COQ8A: variants seen among roughly 807,000 people sequenced by gnomAD.
COQ8A encodes coenzyme Q8A, also known as atypical kinase COQ8A, mitochondrial.
Under a neutral mutation model 65.0 loss-of-function variants are expected in COQ8A, and 51 were observed. The ratio of observed to expected loss-of-function variants is 0.78; its 90% CI spans 0.63 to 0.99. The LOEUF (loss-of-function observed/expected upper bound fraction) is 0.99. Ranked by LOEUF, COQ8A falls within the 50% of genes least tolerant of loss-of-function variation. COQ8A has a pLI of 0.00. For synonymous variants in COQ8A, 371 were observed against 353.2 expected (o/e 1.05, Z -0.57); for missense variants, 940 against 875.0 (o/e 1.07, Z -0.94).
chr1:226,974,609 G>C (rs7515533), intron 4 of COQ8A, among the ~76,000 whole-genome samples: 1 of 152,152 alleles, frequency 6.6e-6, no homozygotes, highest in African/African-American at 2.4e-5. Flanking sequence ...TGAGCAATGC[G>C]CTGAGTCTGG....
chr1:226,961,066 C>T (rs1198986149), intron 1 of COQ8A, among the ~76,000 whole-genome samples: 2 of 152,156 alleles, frequency 1.3e-5, no homozygotes, highest in African/African-American at 2.4e-5. Context: ...TCATGAATCA[C>T]GCCACCTGTC....
intron 1 of COQ8A, among the ~76,000 whole-genome samples, chr1:226,950,917 C>G (rs1657334904): frequency 6.6e-6 from 1 of 151,364 alleles, no homozygotes; most frequent in Non-Finnish European, 1.5e-5. Context: ...AAGTCCTTAG[C>G]CTAGAAGGCA....
At chr1:226,951,883 C>CA (rs1273303148) in intron 1 of COQ8A, among the ~76,000 whole-genome samples, 2 of 151,998 alleles carry the variant, frequency 1.3e-5, no homozygotes, top group African/African-American at 4.8e-5. Context: ...ACTTTATTGA[C>CA]AAAAAAGCAA....
At chr1:226,967,799 G>A (rs1658654186) in intron 4 of COQ8A, among the ~76,000 whole-genome samples, 1 of 152,190 alleles carries the variant, frequency 6.6e-6, no homozygotes, top group Non-Finnish European at 1.5e-5. Flanking sequence ...GCCATCTGTG[G>A]GTGTCTGTGT....
intron 14 of COQ8A, among the ~76,000 whole-genome samples, 197 bp downstream of exon 14, chr1:226,985,537 G>C (rs1449681802): frequency 6.6e-6 from 1 of 152,226 alleles, no homozygotes; most frequent in Non-Finnish European, 1.5e-5. Flanking sequence ...GAGTGGGCCA[G>C]TGAGTTGGGG....
chr1:226,984,704 G>C (rs759101403), intron 12 of COQ8A, 49 bp downstream of exon 12: 3 of 1,569,094 alleles, frequency 1.9e-6, no homozygotes, highest in Non-Finnish European at 1.8e-6. Context: ...GAGCTTCTCC[G>C]AATGGGGCAC....
In COQ8A at chr1:226,978,818, C is replaced by G. The variant is rs528531795; in HGVS notation, c.730+1295C>G. ...ACCCGCACAGCTCCTTACACACCCT[C>G]CATGCACACACCTCCTTACACACCC... On this transcript the variant is annotated intron_variant, in intron 5 of 14. Coordinates refer to ENST00000366777, the MANE Select transcript of COQ8A (RefSeq NM_020247.5). Among the ~76,000 whole-genome samples, 17 of 114,080 alleles carry G rather than the reference C, an allele frequency of 1.5e-4. 4 individuals carry two copies. The South Asian group carries it at 5.7e-3, about 38-fold the overall frequency. The allele number at this position is 114,080 out of a possible 152,430, so 74.8% of individuals were successfully genotyped here. A position where few individuals can be genotyped will look rare whatever the true frequency, so the allele number is the denominator to read the frequency against.
rs1232521713 is a variant in COQ8A, at chr1:226,985,323, A to G, written c.1642A>G (p.Thr548Ala). The G allele has an allele frequency of 1.2e-6, 2 of 1,613,510 alleles. No individual in the cohort carries two copies. Among genetic ancestry groups the G allele is most frequent in the Non-Finnish European group, 1.7e-6 (2 of 1,180,000 alleles). Residue 548 changes from threonine (T) to alanine (A), a missense_variant, in exon 14 of 15, where the codon ACC becomes GCC. Coordinates refer to ENST00000366777, the MANE Select transcript of COQ8A (RefSeq NM_020247.5). ...GAAATCCATAGAGATGAAGTTCCTC[A>G]CCGGCTACGAGGTCAAGGTGAGCAG... Reference protein sequence around the residue: ...RAKSIEMKFLTGYEVKVMEDA... With the variant: ...RAKSIEMKFLAGYEVKVMEDA...
At chr1:226,978,666 C>CTCTCACCCACA (rs1338521174) in intron 5 of COQ8A, among the ~76,000 whole-genome samples, 1 of 77,664 alleles carries the variant, frequency 1.3e-5, no homozygotes, top group East Asian at 3.2e-4. Context: ...ACACACCTGC[C>CTCTCACCCACA]CACCTCCTTA....
At position 226,972,803 on chromosome 1, in the gene COQ8A, A is replaced by AAGC. The variant is rs10637745; in HGVS notation, c.656-4644_656-4642dup. 0.89 allele frequency among the ~76,000 whole-genome samples: 136,008 copies of AAGC among 152,120 alleles called. 60,856 individuals carry two copies. The highest frequency in any genetic ancestry group is 0.9 in the Admixed American group (13,695 of 15,298). ...TTTGCATGTAAGGACATTTAAAACA[A>AAGC]AGCACCACTTTATACCATCACTTTA... On this transcript the variant is annotated intron_variant, in intron 4 of 14. Transcript: ENST00000366777. This position sits in a 1 kb window ranked among gnomAD's most constrained non-coding sequence, Gnocchi z 4.3.
chr1:226,962,560 G>A (rs1360777010), intron 2 of COQ8A, among the ~76,000 whole-genome samples: 1 of 152,206 alleles, frequency 6.6e-6, no homozygotes, highest in Admixed American at 6.5e-5. Context: ...TGCATTGGAG[G>A]TTGTGTCGCA....
intron 5 of COQ8A, among the ~76,000 whole-genome samples, chr1:226,979,273 G>C (rs948625877): frequency 1.8e-4 from 28 of 152,212 alleles, no homozygotes; most frequent in African/African-American, 6.3e-4. Context: ...GAGGCTTTGG[G>C]CATTCGTGCT....
In COQ8A at chr1:226,946,760, T is replaced by C. The variant is rs79929620; in HGVS notation, c.-10+6361T>C. Among the ~76,000 whole-genome samples, 1 of 152,200 alleles carries C rather than the reference T, an allele frequency of 6.6e-6. No homozygotes were observed. Among genetic ancestry groups the C allele is most frequent in the Non-Finnish European group, 1.5e-5 (1 of 68,024 alleles). ...GTTTATTTAACTTCCATACCAGTGA[T>C]GTGTGCATGTCCACACCTGGCCTGT... On this transcript the variant is annotated intron_variant, in intron 1 of 14. Coordinates refer to ENST00000366777, the MANE Select transcript of COQ8A (RefSeq NM_020247.5). The surrounding 1 kb of genome is among the most constrained non-coding windows in gnomAD (Gnocchi z 5.3).
At chr1:226,943,215 A>G (rs1656807985) in intron 1 of COQ8A, among the ~76,000 whole-genome samples, 1 of 152,266 alleles carries the variant, frequency 6.6e-6, no homozygotes, top group Non-Finnish European at 1.5e-5. Context: ...ATTTTCCAGT[A>G]AGAACCATGG....
intron 13 of COQ8A, 107 bp downstream of exon 13, chr1:226,985,048 C>G: frequency 7.0e-7 from 1 of 1,426,484 alleles, no homozygotes; most frequent in Admixed American, 1.8e-5. Context: ...CCTTGTGTCC[C>G]CATCTGCGCT....
At chr1:226,984,736 T>C in intron 12 of COQ8A, 81 bp downstream of exon 12, 1 of 1,518,638 alleles carries the variant, frequency 6.6e-7, no homozygotes. Flanking sequence ...GACTGCCCCT[T>C]GTCCTGGGAA....
intron 5 of COQ8A, among the ~76,000 whole-genome samples, chr1:226,979,302 G>A (rs1053044544): frequency 1.2e-4 from 19 of 152,298 alleles, no homozygotes; most frequent in African/African-American, 4.3e-4. Context: ...GAGGAGTGGG[G>A]CGCACTGAGT....
In COQ8A at chr1:226,986,548, G is replaced by C. The variant is rs201171077; in HGVS notation, c.1755G>C (p.Glu585Asp). ...ATTTTGGCACTCAGAGCACCACCGAGAAGATCCACAACCTGATTCCCGTCA... is the reference window on the plus strand; with the variant it reads ...ATTTTGGCACTCAGAGCACCACCGACAAGATCCACAACCTGATTCCCGTCA... ...PFDFGTQSTTEKIHNLIPVML... is the reference protein window; with the variant it reads ...PFDFGTQSTTDKIHNLIPVML... The change falls in exon 15 of 15, where the codon GAG becomes GAC. Residue 585 changes from glutamate to aspartate, a missense_variant. Glu to Asp is a conservative substitution (Grantham distance 45). Transcript: ENST00000366777. 17 of 1,614,004 alleles carry C rather than the reference G, an allele frequency of 1.1e-5. No homozygotes were observed. In the African/African-American group the frequency reaches 1.5e-4, roughly 14 times the overall value.
intron 4 of COQ8A, among the ~76,000 whole-genome samples, chr1:226,975,390 G>A (rs1357057235): frequency 6.6e-6 from 1 of 152,186 alleles, no homozygotes; most frequent in Non-Finnish European, 1.5e-5. Flanking sequence ...CGGGGCCTTG[G>A]AAATGCGGCT....
Sources: allele counts gnomAD v4.1 joint callset (sites outside exome capture counted in the v4.1 genomes callset), GRCh38; gene constraint gnomAD v4.1.1; non-coding constraint Gnocchi (gnomAD v3.1); transcripts MANE v1.5; gene names NCBI Gene and HGNC (gene_info 2026-07-23, HGNC 2026-07-21).